Variants in ZFR observed in about 807,000 individuals in gnomAD.
ZFR encodes zinc finger RNA binding protein.
In ZFR, 19 loss-of-function variants were observed where a neutral mutation model predicts 130.7. The observed-to-expected ratio is 0.15, with a 90% CI of 0.10 to 0.21. The LOEUF (loss-of-function observed/expected upper bound fraction) is 0.21, where lower values mean the gene tolerates loss of function less well. Ranked by LOEUF, ZFR falls within the 10% of genes least tolerant of loss-of-function variation. ZFR has a pLI of 1.00. For missense variants in ZFR, 872 were observed against 1,321.5 expected (o/e 0.66, Z 5.27); for synonymous variants, 466 against 456.9 (o/e 1.02, Z -0.25).
intron 17 of ZFR, 86 bp downstream of exon 17, chr5:32,379,029 C>T: frequency 2.0e-6 from 2 of 987,792 alleles, no homozygotes; most frequent in Non-Finnish European, 1.5e-6. Flanking sequence ...GCAAATAAGG[C>T]TGATAATTAC....
At chr5:32,424,997 G>C (rs1449104343) in intron 2 of ZFR, among the ~76,000 whole-genome samples, 1 of 152,156 alleles carries the variant, frequency 6.6e-6, no homozygotes, top group African/African-American at 2.4e-5. Context: ...GATGGAACTA[G>C]AAATGGAGTA....
At chr5:32,397,001 TA>T (rs1192380986) in intron 10 of ZFR, among the ~76,000 whole-genome samples, 2 of 152,228 alleles carry the variant, frequency 1.3e-5, no homozygotes, top group South Asian at 2.1e-4. Context: ...CCACAATTAC[TA>T]AAACTGATGA....
At chr5:32,395,064 TGGA>T (rs1753270022) in intron 11 of ZFR, 92 bp downstream of exon 11, 5 of 1,408,028 alleles carry the variant, frequency 3.6e-6, no homozygotes, top group Non-Finnish European at 4.6e-6. Context: ...TAAATAAATC[TGGA>T]TTGCTTTGAA....
chr5:32,439,804 T>TAAAAAAAAAAAAAA (rs11446399), intron 2 of ZFR, among the ~76,000 whole-genome samples: 1 of 72,460 alleles, frequency 1.4e-5, no homozygotes. Flanking sequence ...ACCATGTCTT[T>TAAAAAAAAAAAAAA]AAAAAAAAAA....
chr5:32,443,913 G>C (rs1325338558), intron 2 of ZFR, among the ~76,000 whole-genome samples: 1 of 152,180 alleles, frequency 6.6e-6, no homozygotes, highest in Admixed American at 6.5e-5. Flanking sequence ...CGGCGGTGGC[G>C]GCTCCGCTCG....
intron 2 of ZFR, among the ~76,000 whole-genome samples, chr5:32,424,142 G>C (rs974347796): frequency 4.6e-5 from 7 of 152,208 alleles, no homozygotes; most frequent in Admixed American, 4.6e-4. Flanking sequence ...GGAATTAGGG[G>C]AAGGACAGAA....
intron 3 of ZFR, among the ~76,000 whole-genome samples, 198 bp downstream of exon 3, chr5:32,419,623 C>T (rs1753908267): frequency 6.6e-6 from 1 of 152,208 alleles, no homozygotes; most frequent in African/African-American, 2.4e-5. Flanking sequence ...CAGGCATGAG[C>T]CACCGCGCCC....
intron 19 of ZFR, among the ~76,000 whole-genome samples, chr5:32,358,382 C>T (rs1310462199): frequency 2.6e-5 from 4 of 152,012 alleles, no homozygotes; most frequent in Non-Finnish European, 4.4e-5. Context: ...AATTTAAGGC[C>T]GGGCGCGGTG....
At chr5:32,389,663 C>T (rs867142217) in intron 12 of ZFR, among the ~76,000 whole-genome samples, 1 of 152,014 alleles carries the variant, frequency 6.6e-6, no homozygotes. Flanking sequence ...ATTAGTTGTT[C>T]CTGCTCATGT....
intron 19 of ZFR, among the ~76,000 whole-genome samples, chr5:32,356,409 T>G (rs1467629963): frequency 6.6e-6 from 1 of 152,070 alleles, no homozygotes. Context: ...GGTTTCAGTA[T>G]TTTTGTTTTG....
chr5:32,415,190 G>C lies in ZFR; in HGVS notation c.566-3C>G. The C allele has an allele frequency of 1.2e-5, 19 of 1,613,536 alleles. No individual in the cohort carries two copies. The highest frequency in any genetic ancestry group is 1.5e-5 in the Non-Finnish European group (18 of 1,179,704). ...TTGGCTGTAACCTGCTTTGGGGGCT[G>C]AAGTAGGAAAGAGACATCAGAAAAT... is the stretch of plus-strand genomic sequence containing the variant. On this transcript the variant is annotated splice_region_variant and splice_polypyrimidine_tract_variant and intron_variant, in intron 4 of 19. Transcript: ENST00000265069.
intron 15 of ZFR, chr5:32,383,915 G>A: frequency 1.6e-5 from 6 of 379,840 alleles, no homozygotes; most frequent in South Asian, 5.8e-5. Context: ...TTTCCATTTT[G>A]GACTGACCAT....
chr5:32,425,817 T>C (rs1754061836), intron 2 of ZFR, among the ~76,000 whole-genome samples: 1 of 152,200 alleles, frequency 6.6e-6, no homozygotes, highest in African/African-American at 2.4e-5. Flanking sequence ...TGAGCCACCG[T>C]GCCCAGCCTA....
intron 17 of ZFR, chr5:32,364,478 A>C (rs769174504): frequency 3.6e-6 from 1 of 276,832 alleles, no homozygotes; most frequent in Non-Finnish European, 6.8e-6. Context: ...CACGTCTGTA[A>C]TCCAAACACT....
chr5:32,415,352 T>G (rs1318491228), intron 4 of ZFR, among the ~76,000 whole-genome samples, 165 bp from the exon 5 acceptor site: 1 of 152,184 alleles, frequency 6.6e-6, no homozygotes, highest in Non-Finnish European at 1.5e-5. Flanking sequence ...ATTACCAATA[T>G]GAATAGAATA....
At chr5:32,416,490 T>C (rs1054142408) in intron 4 of ZFR, among the ~76,000 whole-genome samples, 2 of 152,062 alleles carry the variant, frequency 1.3e-5, no homozygotes, top group African/African-American at 2.4e-5. Context: ...GGCGCATGCC[T>C]GTAATCCCAG....
At chr5:32,372,392 G>C (rs1466171808) in intron 17 of ZFR, among the ~76,000 whole-genome samples, 1 of 152,102 alleles carries the variant, frequency 6.6e-6, no homozygotes, top group Non-Finnish European at 1.5e-5. Context: ...ATGTGTGAGG[G>C]CAGGGGATAT....
At chr5:32,403,020 G>C in intron 8 of ZFR, 86 bp downstream of exon 8, 1 of 1,388,206 alleles carries the variant, frequency 7.2e-7, no homozygotes, top group Non-Finnish European at 9.9e-7. Flanking sequence ...GCAGGTCCAA[G>C]AACACAGGGA....
chr5:32,355,784 G>T lies in ZFR; in HGVS notation c.3201C>A (p.Asp1067Glu), dbSNP rs868787195. Residue 1067 changes from aspartate to glutamate, a missense_variant, in exon 20 of 20, where the codon GAC becomes GAA. Physicochemically the swap from Asp to Glu is conservative, Grantham distance 45. This residue lies in a region of ZFR where 158 missense variants were observed against 264.0 expected (regional missense o/e 0.60). Transcript: ENST00000265069. ...VDGFEAEGKKDKKDYDNF is the reference protein window; with the variant it reads ...VDGFEAEGKKEKKDYDNF ...TTTAAAAGTTATCATAATCTTTTTTGTCTTTTTTCCCCTCAGCTTCAAATC... is the reference window on the plus strand; with the variant it reads ...TTTAAAAGTTATCATAATCTTTTTTTTCTTTTTTCCCCTCAGCTTCAAATC... 12 of 1,583,814 alleles carry T rather than the reference G, an allele frequency of 7.6e-6. No individual in the cohort carries two copies. In the Admixed American group the frequency reaches 9.5e-5, roughly 13 times the overall value.
Sources: allele counts gnomAD v4.1 joint callset (sites outside exome capture counted in the v4.1 genomes callset), GRCh38; gene constraint gnomAD v4.1.1; regional missense constraint gnomAD v4.1.1; transcripts MANE v1.5; gene names NCBI Gene and HGNC (gene_info 2026-07-23, HGNC 2026-07-21).